TBC1D5: variants seen among roughly 807,000 people sequenced by gnomAD.
TBC1D5 encodes TBC1 domain family member 5, also known as TBC1 domain family, member 5.
Under a neutral mutation model 100.3 loss-of-function variants are expected in TBC1D5, and 75 were observed. That is an observed-to-expected ratio of 0.75 (90% CI 0.62 to 0.91). The LOEUF is 0.91. Among genes scored for constraint, TBC1D5 ranks in the 40% least tolerant of loss-of-function variants. The probability of loss-of-function intolerance (pLI) is 0.00; values close to 1 mark genes in which losing one functional copy is unlikely to be tolerated. For missense variants in TBC1D5, 910 were observed against 942.4 expected, an observed-to-expected ratio of 0.97 and a Z score of 0.45; for synonymous variants, 323 against 325.6, an observed-to-expected ratio of 0.99 and a Z score of 0.09.
At chr3:17,275,992 T>C (rs1282161520) in intron 15 of TBC1D5, among the ~76,000 whole-genome samples, 1 of 152,220 alleles carries the variant, frequency 6.6e-6, no homozygotes, top group Non-Finnish European at 1.5e-5. Flanking sequence ...TAAGTTGTTT[T>C]TTTTCCTCAT....
chr3:17,698,622 G>C (rs1368102283), intron 1 of TBC1D5, among the ~76,000 whole-genome samples: 1 of 146,110 alleles, frequency 6.8e-6, no homozygotes, highest in Non-Finnish European at 1.5e-5. Flanking sequence ...CAAAATGGGA[G>C]AAAATTTTCG....
chr3:17,631,268 C>T (rs2063490267), intron 1 of TBC1D5, among the ~76,000 whole-genome samples: 1 of 151,992 alleles, frequency 6.6e-6, no homozygotes, highest in Non-Finnish European at 1.5e-5. Flanking sequence ...AGAGAAAAGC[C>T]CTAATTCTCT....
chr3:17,365,434 A>T (rs1267272568), intron 13 of TBC1D5, among the ~76,000 whole-genome samples: 4 of 151,066 alleles, frequency 2.6e-5, no homozygotes, highest in South Asian at 2.1e-4. Context: ...CAAGTTTAAG[A>T]TTAAAGTAGC....
At chr3:17,309,899 A>G (rs1193931132) in intron 13 of TBC1D5, among the ~76,000 whole-genome samples, 2 of 152,130 alleles carry the variant, frequency 1.3e-5, no homozygotes, top group African/African-American at 4.8e-5. Context: ...GAAAACATGT[A>G]GAATGTGGTT....
intron 3 of TBC1D5, among the ~76,000 whole-genome samples, chr3:17,485,855 C>T (rs553424880): frequency 1.3e-5 from 2 of 152,084 alleles, no homozygotes; most frequent in South Asian, 2.1e-4. Context: ...GGGTATATAC[C>T]CAGTAATGGG....
chr3:17,189,808 T>C (rs2069638035), intron 18 of TBC1D5, among the ~76,000 whole-genome samples: 1 of 152,226 alleles, frequency 6.6e-6, no homozygotes. Context: ...CAGTTTCCTT[T>C]ACCTGAGATT....
chr3:17,696,209 CA>C (rs1159052170), intron 1 of TBC1D5, among the ~76,000 whole-genome samples: 2 of 147,930 alleles, frequency 1.4e-5, no homozygotes, highest in East Asian at 2.0e-4. Flanking sequence ...GAAGAGCAAA[CA>C]AAAAAAAAGC....
At chr3:17,542,157 GCACA>G (rs1326259318) in intron 2 of TBC1D5, among the ~76,000 whole-genome samples, 1 of 151,988 alleles carries the variant, frequency 6.6e-6, no homozygotes, top group Non-Finnish European at 1.5e-5. Flanking sequence ...TGGCATAGTG[GCACA>G]CACTTGTAGT....
At chr3:17,361,076 G>A (rs1016974271) in intron 13 of TBC1D5, among the ~76,000 whole-genome samples, 2 of 151,872 alleles carry the variant, frequency 1.3e-5, no homozygotes, top group African/African-American at 4.8e-5. Flanking sequence ...GACCATATTG[G>A]AAATCATTGG....
intron 13 of TBC1D5, among the ~76,000 whole-genome samples, chr3:17,345,227 AAAAC>A (rs2089685890): frequency 6.6e-6 from 1 of 152,300 alleles, no homozygotes; most frequent in East Asian, 1.9e-4. Context: ...TTACAAGAAA[AAAAC>A]AAACAACCCC....
chr3:17,440,589 C>CT (rs1423200861), intron 3 of TBC1D5, among the ~76,000 whole-genome samples: 1 of 152,162 alleles, frequency 6.6e-6, no homozygotes, highest in African/African-American at 2.4e-5. Context: ...TGCACTGCAG[C>CT]TTGGGTGACA....
intron 15 of TBC1D5, among the ~76,000 whole-genome samples, chr3:17,280,176 T>C (rs1172432582): frequency 6.6e-6 from 1 of 152,120 alleles, no homozygotes; most frequent in Admixed American, 6.5e-5. Flanking sequence ...GTAAACTACC[T>C]ACTATAGAGA....
intron 1 of TBC1D5, among the ~76,000 whole-genome samples, chr3:17,664,461 A>G (rs2067010932): frequency 6.6e-6 from 1 of 152,242 alleles, no homozygotes; most frequent in Non-Finnish European, 1.5e-5. Context: ...ATTTTTCAAC[A>G]GTAACACTGA....
intron 2 of TBC1D5, among the ~76,000 whole-genome samples, chr3:17,523,542 T>A (rs117615725): frequency 2.6e-5 from 4 of 151,990 alleles, no homozygotes; most frequent in Non-Finnish European, 4.4e-5. Context: ...ACAGAGAAAG[T>A]TGACCAGAGG....
rs911415042 is a variant in TBC1D5, at chr3:17,508,463, A to G, written c.97+11T>C. On this transcript the variant is annotated intron_variant, in intron 3 of 21. Coordinates refer to ENST00000253692, the Ensembl canonical transcript of TBC1D5. ...CACTACCTACAAATAGTATTGGCAT[A>G]CAAAACTCACCTCCAGACTTGTTAG... 3.7e-6 allele frequency: 6 copies of G among 1,607,774 alleles called. No homozygotes were observed. Among genetic ancestry groups the G allele is most frequent in the African/African-American group, 1.3e-5 (1 of 74,942 alleles).
At chr3:17,330,879 T>A (rs1045327180) in intron 13 of TBC1D5, among the ~76,000 whole-genome samples, 1 of 152,174 alleles carries the variant, frequency 6.6e-6, no homozygotes, top group African/African-American at 2.4e-5. Flanking sequence ...CTGAATCTAC[T>A]GCTCAACTCC....
At chr3:17,504,572 G>C (rs2095824582) in intron 3 of TBC1D5, among the ~76,000 whole-genome samples, 1 of 152,158 alleles carries the variant, frequency 6.6e-6, no homozygotes, top group Non-Finnish European at 1.5e-5. Flanking sequence ...GCATATCTGA[G>C]CAAGACCAGA....
chr3:17,479,207 C>G (rs148317878), intron 3 of TBC1D5, among the ~76,000 whole-genome samples: 13 of 152,212 alleles, frequency 8.5e-5, no homozygotes, highest in Admixed American at 2.0e-4. Flanking sequence ...CAAGACCAGA[C>G]TGGGCAAAGT....
Position 17,675,749 on chromosome 3 carries a change from T to C in TBC1D5, c.-100-51836A>G, listed in dbSNP as rs545140416. On this transcript the variant is annotated intron_variant, in intron 1 of 21. Transcript: ENST00000253692. ...TCATCAAGAGAGTGACAAAGATTTTTTTAACCAAATCTTGTGCTTCAGATG... is the reference window on the plus strand; with the variant it reads ...TCATCAAGAGAGTGACAAAGATTTTCTTAACCAAATCTTGTGCTTCAGATG... Among the ~76,000 whole-genome samples, 13 of 152,306 alleles carry C rather than the reference T, an allele frequency of 8.5e-5. No homozygotes were observed. The South Asian group carries it at 2.7e-3, about 32-fold the overall frequency.
Sources: gnomAD v4.1 joint callset for allele counts (sites outside exome capture counted in the v4.1 genomes callset) on GRCh38, gnomAD v4.1.1 for gene constraint, MANE v1.5 for transcripts, NCBI Gene and HGNC (gene_info 2026-07-23, HGNC 2026-07-21) for gene names.